Variants in PRLR observed in about 807,000 individuals in gnomAD.
The protein encoded by PRLR is prolactin receptor.
A neutral mutation model predicts 40.2 loss-of-function variants in PRLR; 13 were observed. The ratio of observed to expected loss-of-function variants is 0.32; its 90% CI spans 0.21 to 0.51. The LOEUF is 0.51. Among genes scored for constraint, PRLR ranks in the 20% least tolerant of loss-of-function variants. The pLI is 0.97. For missense variants in PRLR, 656 were observed against 747.3 expected (o/e 0.88, Z 1.42); for synonymous variants, 269 against 278.7 (o/e 0.97, Z 0.35).
chr5:35,208,906 A>G (rs1366131671), intron 1 of PRLR, among the ~76,000 whole-genome samples: 6 of 152,158 alleles, frequency 3.9e-5, no homozygotes, highest in Non-Finnish European at 2.9e-5. Context: ...AGTCAAAGAA[A>G]TGAAAATGAA....
intron 5 of PRLR, among the ~76,000 whole-genome samples, chr5:35,079,700 G>T (rs1770372267): frequency 6.6e-6 from 1 of 152,090 alleles, no homozygotes; most frequent in Non-Finnish European, 1.5e-5. Flanking sequence ...TAAAGTTCAT[G>T]TGGGACCAAA....
rs373731743 is a variant in PRLR, at chr5:35,156,710, T to C, written c.-105-38588A>G. On this transcript the variant is annotated intron_variant, in intron 1 of 9. Transcript: ENST00000618457. ...CCATGGATTGCTCTCTCAGATATTG[T>C]GCTCAAAGTTATCATGTCTGCAAGT... Among the ~76,000 whole-genome samples, 4 of 152,174 alleles carry C rather than the reference T, an allele frequency of 2.6e-5. No homozygotes were observed. The South Asian group carries it at 6.2e-4, about 24-fold the overall frequency.
At chr5:35,148,063 G>T (rs1221871973) in intron 1 of PRLR, among the ~76,000 whole-genome samples, 1 of 152,062 alleles carries the variant, frequency 6.6e-6, no homozygotes, top group Non-Finnish European at 1.5e-5. Context: ...CATTTGTAAG[G>T]CAATGAACTT....
At chr5:35,073,406 C>T (rs1260974232) in intron 5 of PRLR, among the ~76,000 whole-genome samples, 1 of 152,172 alleles carries the variant, frequency 6.6e-6, no homozygotes, top group Non-Finnish European at 1.5e-5. Flanking sequence ...AGCGAATTCC[C>T]ATTAGCAAAA....
At position 35,069,147 on chromosome 5, in the gene PRLR, C is replaced by G. The variant is rs3836808; in HGVS notation, c.686-269G>C. ...TTAATTGATCCTTAAAGAGGAAATC[C>G]AAGGTCACATGGTCGTTTGCAGTAA... On this transcript the variant is annotated intron_variant, in intron 7 of 9. Coordinates refer to ENST00000618457, the MANE Select transcript of PRLR (RefSeq NM_000949.7). Among the ~76,000 whole-genome samples the G allele has an allele frequency of 1.0e-3, 153 of 152,110 alleles. 2 individuals carry two copies. In the Middle Eastern group the frequency reaches 0.017, roughly 17 times the overall value.
At chr5:35,225,928 C>T in intron 1 of PRLR, among the ~76,000 whole-genome samples, 1 of 152,204 alleles carries the variant, frequency 6.6e-6, no homozygotes, top group Admixed American at 6.5e-5. Flanking sequence ...GCAATCCACC[C>T]GCCTCGGCCT....
intron 1 of PRLR, among the ~76,000 whole-genome samples, chr5:35,224,059 A>T (rs1303614352): frequency 3.3e-5 from 5 of 152,232 alleles, no homozygotes; most frequent in African/African-American, 1.2e-4. Flanking sequence ...AGAGGCCTGC[A>T]GGAAACCAGT....
chr5:35,195,614 T>C (rs1408243833), intron 1 of PRLR: 1 of 138,390 alleles, frequency 7.2e-6, no homozygotes, highest in African/African-American at 2.8e-5. Flanking sequence ...CTCATCTTTA[T>C]TAGGTGTCTT....
At chr5:35,094,854 G>A (rs413319) in intron 2 of PRLR, among the ~76,000 whole-genome samples, 10,251 of 147,022 alleles carry the variant, frequency 0.07, 639 homozygotes, top group East Asian at 0.2. Context: ...TTGAGACGGG[G>A]TCTTGTTCTG....
chr5:35,068,682 G>C (rs1483432280), intron 8 of PRLR, 97 bp downstream of exon 8: 1 of 957,376 alleles, frequency 1.0e-6, no homozygotes. Flanking sequence ...GCTAAAATGA[G>C]GATTATCTAC....
rs1269377804 is a variant in PRLR at position 35,126,390 on chromosome 5, A to G, written c.-105-8268T>C. Among the ~76,000 whole-genome samples the G allele has an allele frequency of 5.3e-5, 8 of 152,212 alleles. No homozygotes were observed. In the South Asian group the frequency reaches 6.2e-4, roughly 12 times the overall value. ...GGCCCAAATTTGTCCCAATTGCTTC[A>G]TCCCAGGTTCTCACTTTTATTTCCC... is the stretch of plus-strand genomic sequence containing the variant. On this transcript the variant is annotated intron_variant, in intron 1 of 9. Transcript: ENST00000618457.
chr5:35,090,792 T>TC (rs1771154565), intron 2 of PRLR, among the ~76,000 whole-genome samples: 1 of 28,736 alleles, frequency 3.5e-5, no homozygotes, highest in African/African-American at 4.4e-4. Context: ...CAATTAGCTC[T>TC]TTTTTTTTTT....
intron 1 of PRLR, among the ~76,000 whole-genome samples, chr5:35,163,913 C>A (rs1774747362): frequency 6.6e-6 from 1 of 152,196 alleles, no homozygotes. Flanking sequence ...GACTTGGCTG[C>A]TGATGAAATG....
intron 1 of PRLR, among the ~76,000 whole-genome samples, chr5:35,165,595 A>G (rs1354914826): frequency 6.6e-6 from 1 of 152,218 alleles, no homozygotes; most frequent in East Asian, 1.9e-4. Context: ...TAGGTCATAA[A>G]CAAATAATGC....
intron 7 of PRLR, 34 bp from the exon 8 acceptor site, chr5:35,068,912 G>T (rs375332121): frequency 2.0e-6 from 3 of 1,481,610 alleles, no homozygotes; most frequent in South Asian, 1.1e-5. Flanking sequence ...CTTTGATCAC[G>T]TACAGCATCA....
chr5:35,218,220 A>G (rs1352144033), intron 1 of PRLR, among the ~76,000 whole-genome samples: 1 of 152,188 alleles, frequency 6.6e-6, no homozygotes, highest in Non-Finnish European at 1.5e-5. Context: ...GTCAACCGTA[A>G]GAAATACCTG....
rs1768753510 is a variant in PRLR at position 35,056,863 on chromosome 5, G to GT, written c.*8225dup. The GT allele has an allele frequency of 6.6e-6, 1 of 152,136 alleles. No individual in the cohort carries two copies. Among genetic ancestry groups the GT allele is most frequent in the Non-Finnish European group, 1.5e-5 (1 of 68,024 alleles). The allele number at this position is 152,136 out of a possible 1,614,324, so 9.4% of individuals were successfully genotyped here. On this transcript the variant is annotated 3_prime_UTR_variant, in exon 10 of 10. Transcript: ENST00000618457. ...TAAGAAAGAAATTTCTCATTCTTCTGTAAGACATGGAATTAGAGAATTAAG... is the reference window on the plus strand; with the variant it reads ...TAAGAAAGAAATTTCTCATTCTTCTGTTAAGACATGGAATTAGAGAATTAAG...
intron 1 of PRLR, among the ~76,000 whole-genome samples, chr5:35,189,392 C>G (rs1211212928): frequency 2.6e-5 from 4 of 152,086 alleles, no homozygotes. Context: ...ACCAGTCTGG[C>G]CAACATGGCA....
chr5:35,063,037 A>G lies in PRLR; in HGVS notation c.*2052T>C, dbSNP rs1016385698. 1.3e-5 allele frequency: 2 copies of G among 152,214 alleles called. No individual in the cohort carries two copies. Among genetic ancestry groups the G allele is most frequent in the African/African-American group, 4.8e-5 (2 of 41,468 alleles). The allele number at this position is 152,214 out of a possible 1,614,324, so 9.4% of individuals were successfully genotyped here. A position where few individuals can be genotyped will look rare whatever the true frequency, so the allele number is the denominator to read the frequency against. On this transcript the variant is annotated 3_prime_UTR_variant, in exon 10 of 10. Coordinates refer to ENST00000618457, the MANE Select transcript of PRLR (RefSeq NM_000949.7). ...AATTGAATCATTTGGGGATCTTAGT[A>G]AAATGCAGATTCTGATGCTTAAGAT...
Sources: allele counts gnomAD v4.1 joint callset (sites outside exome capture counted in the v4.1 genomes callset), GRCh38; gene constraint gnomAD v4.1.1; transcripts MANE v1.5; gene names NCBI Gene and HGNC (gene_info 2026-07-23, HGNC 2026-07-21).